The following NFIB variants were observed in gnomAD, a reference collection of about 807,000 sequenced individuals.
NFIB encodes nuclear factor I B.
Under a neutral mutation model 61.5 loss-of-function variants are expected in NFIB, and 11 were observed. The observed-to-expected ratio is 0.18, with a 90% CI of 0.11 to 0.30. The LOEUF is 0.30. NFIB is among the 10% of genes least tolerant of loss of function. The pLI, the probability that NFIB is intolerant of heterozygous loss-of-function variation, is 1.00. For synonymous variants in NFIB, 260 were observed against 216.5 expected, an observed-to-expected ratio of 1.20 and a Z score of -1.76; for missense variants, 471 against 608.9, an observed-to-expected ratio of 0.77 and a Z score of 2.38.
the NFIB span, among the ~76,000 whole-genome samples, chr9:14,513,028 A>G: frequency 6.6e-6 from 1 of 152,040 alleles, no homozygotes; most frequent in African/African-American, 2.4e-5. Flanking sequence ...TCTAGACCCA[A>G]GTTTTTGTAG....
chr9:14,285,673 T>C (rs1474162211), intron 2 of NFIB, among the ~76,000 whole-genome samples: 3 of 152,148 alleles, frequency 2.0e-5, no homozygotes, highest in African/African-American at 7.2e-5. Context: ...ATCTACCTCA[T>C]ATGGTTACCA....
At chr9:14,386,948 G>T (rs1297886268) in intron 1 of NFIB, among the ~76,000 whole-genome samples, 1 of 152,176 alleles carries the variant, frequency 6.6e-6, no homozygotes, top group Non-Finnish European at 1.5e-5. Flanking sequence ...AGACTTAACA[G>T]AACTTTTAAT....
At chr9:14,130,204 A>G (rs1053044438) in intron 6 of NFIB, among the ~76,000 whole-genome samples, 5 of 152,140 alleles carry the variant, frequency 3.3e-5, no homozygotes, top group African/African-American at 9.7e-5. Flanking sequence ...TCCTTCAAAC[A>G]GTATCTTTCT....
Position 14,084,244 on chromosome 9 carries a change from A to G in NFIB, c.*4065T>C, listed in dbSNP as rs1476925220. On this transcript the variant is annotated 3_prime_UTR_variant, in exon 11 of 11. Transcript: ENST00000380953. Reference sequence around the variant, plus strand: ...TACTTTAAAAATGGAAACAACATATAGTTCCATTATAATTGTTAAAAAGTT... The same window carrying G: ...TACTTTAAAAATGGAAACAACATATGGTTCCATTATAATTGTTAAAAAGTT... 5.0e-6 allele frequency: 1 copy of G among 200,434 alleles called. No homozygotes were observed. The highest frequency in any genetic ancestry group is 1.0e-5 in the Non-Finnish European group (1 of 97,010). The allele number at this position is 200,434 out of a possible 1,614,324, so 12.4% of individuals were successfully genotyped here. A position where few individuals can be genotyped will look rare whatever the true frequency, so the allele number is the denominator to read the frequency against.
chr9:14,149,978 T>C (rs2042683504), intron 5 of NFIB, among the ~76,000 whole-genome samples, 167 bp downstream of exon 5: 1 of 152,188 alleles, frequency 6.6e-6, no homozygotes, highest in Admixed American at 6.6e-5. Flanking sequence ...TACATTTAAT[T>C]TGTAACAGCC....
At chr9:14,190,839 T>C (rs761605739) in intron 2 of NFIB, among the ~76,000 whole-genome samples, 25 of 152,128 alleles carry the variant, frequency 1.6e-4, no homozygotes, top group Non-Finnish European at 2.1e-4. Flanking sequence ...GACATGAAGA[T>C]GGGGCATTTT....
intron 2 of NFIB, among the ~76,000 whole-genome samples, chr9:14,267,234 A>G (rs760173852): frequency 6.6e-6 from 1 of 152,226 alleles, no homozygotes; most frequent in Admixed American, 6.5e-5. Context: ...AAAGATCTGC[A>G]TATGGATCTT....
the NFIB span, among the ~76,000 whole-genome samples, chr9:14,434,470 G>A: frequency 2.0e-5 from 3 of 152,268 alleles, no homozygotes; most frequent in African/African-American, 7.2e-5. Flanking sequence ...AAAAAATATA[G>A]CAAGAACAAA....
chr9:14,465,416 CTGTT>C, the NFIB span, among the ~76,000 whole-genome samples: 231 of 152,246 alleles, frequency 1.5e-3, no homozygotes, highest in Middle Eastern at 3.5e-3. Context: ...AATAAACACT[CTGTT>C]TGACTAATCA....
At chr9:14,520,166 C>A in the NFIB span, among the ~76,000 whole-genome samples, 1 of 151,986 alleles carries the variant, frequency 6.6e-6, no homozygotes, top group Non-Finnish European at 1.5e-5. Flanking sequence ...AAAAATAACT[C>A]TTTAGGAAAT....
intron 7 of NFIB, among the ~76,000 whole-genome samples, chr9:14,121,018 T>A (rs1250566995): frequency 3.3e-5 from 5 of 152,176 alleles, no homozygotes; most frequent in Non-Finnish European, 5.9e-5. Context: ...ATCCCAGCAC[T>A]TTGGGCGGCT....
At chr9:14,189,647 C>T (rs955603595) in intron 2 of NFIB, among the ~76,000 whole-genome samples, 3 of 150,392 alleles carry the variant, frequency 2.0e-5, no homozygotes, top group Non-Finnish European at 4.4e-5. Flanking sequence ...CCCTTGCAAA[C>T]GCTGACAACA....
At chr9:14,381,341 G>A (rs993290035) in intron 1 of NFIB, among the ~76,000 whole-genome samples, 1 of 151,878 alleles carries the variant, frequency 6.6e-6, no homozygotes, top group Non-Finnish European at 1.5e-5. Context: ...ATAGGCATAT[G>A]CCACCATGCC....
intron 2 of NFIB, among the ~76,000 whole-genome samples, chr9:14,258,918 T>C (rs970166877): frequency 2.0e-5 from 3 of 152,202 alleles, no homozygotes; most frequent in Non-Finnish European, 4.4e-5. Context: ...CTATGCCTTC[T>C]TTCTAGGATC....
chr9:14,448,647 G>A, the NFIB span, among the ~76,000 whole-genome samples: 2 of 152,154 alleles, frequency 1.3e-5, no homozygotes, highest in African/African-American at 2.4e-5. Context: ...CAAATGGAGT[G>A]TACTGAATAA....
chr9:14,369,833 C>T (rs1386700630), intron 1 of NFIB, among the ~76,000 whole-genome samples: 1 of 152,116 alleles, frequency 6.6e-6, no homozygotes, highest in Non-Finnish European at 1.5e-5. Context: ...CCTAATTGAC[C>T]TTCTTACTTT....
chr9:14,213,998 T>C (rs2050583343), intron 2 of NFIB, among the ~76,000 whole-genome samples: 1 of 152,192 alleles, frequency 6.6e-6, no homozygotes, highest in Non-Finnish European at 1.5e-5. Flanking sequence ...TACTTAAGAA[T>C]CGATGCCACC....
chr9:14,363,486 T>C (rs1483485905), intron 1 of NFIB, among the ~76,000 whole-genome samples: 1 of 152,182 alleles, frequency 6.6e-6, no homozygotes, highest in Non-Finnish European at 1.5e-5. Flanking sequence ...GTAAAGTTGA[T>C]GGATTTGGAC....
Position 14,084,020 on chromosome 9 carries a change from T to A in NFIB, c.*4289A>T, listed in dbSNP as rs1050506736. 9.3e-6 allele frequency: 2 copies of A among 215,494 alleles called. No homozygotes were observed. Among genetic ancestry groups the A allele is most frequent in the African/African-American group, 2.3e-5 (1 of 44,310 alleles). 13.3% of individuals were successfully genotyped at this position (215,494 alleles called of 1,614,324 possible). ...CTCTGGAAACCAACTTTTCCAATAC[T>A]AAATACAACAAAATAACCTTCATAA... On this transcript the variant is annotated 3_prime_UTR_variant, in exon 11 of 11. Coordinates refer to ENST00000380953, the MANE Select transcript of NFIB (RefSeq NM_001190737.2).
Sources: gnomAD v4.1 joint callset for allele counts (sites outside exome capture counted in the v4.1 genomes callset) on GRCh38, gnomAD v4.1.1 for gene constraint, MANE v1.5 for transcripts, NCBI Gene and HGNC (gene_info 2026-07-23, HGNC 2026-07-21) for gene names.